TUT1: variants seen among roughly 807,000 people sequenced by gnomAD.
The protein encoded by TUT1 is terminal uridylyl transferase 1, U6 snRNA-specific, also known as speckle targeted PIP5K1A-regulated poly(A) polymerase.
TUT1 carries 26 observed loss-of-function variants against 48.8 expected under a neutral mutation model. That is an observed-to-expected ratio of 0.53 (90% confidence interval 0.39 to 0.74). The LOEUF is 0.74. Ranked by LOEUF, TUT1 falls within the 30% of genes least tolerant of loss-of-function variation. TUT1 has a pLI of 0.00. For synonymous variants in TUT1, 470 were observed against 460.8 expected (o/e 1.02, Z -0.26); for missense variants, 1,065 against 1,114.8 (o/e 0.96, Z 0.64).
Position 62,575,951 on chromosome 11 carries a change from C to A in TUT1, c.1768G>T (p.Gly590Trp), listed in dbSNP as rs1941719028. Reference protein sequence around the residue: ...QRRSSRGRDWGLLPLLQPSSP... With the variant: ...QRRSSRGRDWWLLPLLQPSSP... Reference sequence around the variant, plus strand: ...CTGGGCTGCAGAAGAGGGAGCAGCCCCCAGTCCCGACCCCGGGAGGAACGG... The same window carrying A: ...CTGGGCTGCAGAAGAGGGAGCAGCCACCAGTCCCGACCCCGGGAGGAACGG... Residue 590 changes from glycine to tryptophan, a missense_variant, in exon 9 of 9, where the codon GGG becomes TGG. Transcript: ENST00000476907. The A allele has an allele frequency of 6.2e-7, 1 of 1,614,128 alleles. No homozygotes were observed.
Position 62,578,870 on chromosome 11 carries a change from G to A in TUT1, c.851C>T (p.Ser284Phe). 1 of 1,611,648 alleles carries A rather than the reference G, an allele frequency of 6.2e-7. No homozygotes were observed. Among genetic ancestry groups the A allele is most frequent in the Non-Finnish European group, 8.5e-7 (1 of 1,178,540 alleles). ...AGAGTCCGGAGTTTGGGGCGCCAGGGAGGAGGAAGGGGTTTCAAAGTCCAG... is the reference window on the plus strand; with the variant it reads ...AGAGTCCGGAGTTTGGGGCGCCAGGAAGGAGGAAGGGGTTTCAAAGTCCAG... ...EALDFETPSS[S>F]LAPQTPDSAL... is the part of the protein sequence containing the mutation. The change falls in exon 5 of 9, where the codon TCC becomes TTC. Residue 284 changes from serine to phenylalanine, a missense_variant. Physicochemically the swap from Ser to Phe is radical, Grantham distance 155. Coordinates refer to ENST00000476907, the MANE Select transcript of TUT1 (RefSeq NM_022830.3).
rs1367492032 is a variant in TUT1 at position 62,578,960 on chromosome 11, A to C, written c.761T>G (p.Leu254Arg). ...ALASPLDPQA[L>R]ACTPASPPDS... ...TGGAGGGGAAGCTGGGGTGCAGGCCAGGGCTTGAGGGTCCAGTGGGGAAGC... is the reference window on the plus strand; with the variant it reads ...TGGAGGGGAAGCTGGGGTGCAGGCCCGGGCTTGAGGGTCCAGTGGGGAAGC... Residue 254 changes from leucine (L) to arginine (R), a missense_variant, in exon 5 of 9, where the codon CTG (leucine) becomes CGG (arginine). Physicochemically the swap from Leu to Arg is moderately radical, Grantham distance 102. Coordinates refer to ENST00000476907, the MANE Select transcript of TUT1 (RefSeq NM_022830.3). 8 of 1,534,098 alleles carry C rather than the reference A, an allele frequency of 5.2e-6. No homozygotes were observed. The highest frequency in any genetic ancestry group is 7.0e-6 in the Non-Finnish European group (8 of 1,142,438).
rs1941744709 is a variant in TUT1 at position 62,577,246 on chromosome 11, C to G, written c.1206G>C (p.Leu402=). 6.2e-7 allele frequency: 1 copy of G among 1,611,836 alleles called. No individual in the cohort carries two copies. Among genetic ancestry groups the G allele is most frequent in the Admixed American group, 1.7e-5 (1 of 59,050 alleles). The change falls in exon 6 of 9, where the codon CTG becomes CTC. Residue 402 remains leucine (L), a synonymous_variant. Transcript: ENST00000476907. The part of the protein sequence containing the change: ...NSRFLSLCSE[L]DGRVRPLVYT... ...ACACGAGGGGCCGGACTCGACCATC[C>G]AGCTCAGAGCAGAGACTCAGGAAAC...
rs1448719527 is a variant in TUT1, at chr11:62,578,577, C to T, written c.1144G>A (p.Val382Ile). The T allele has an allele frequency of 1.2e-6, 2 of 1,602,222 alleles. No homozygotes were observed. Among genetic ancestry groups the T allele is most frequent in the Non-Finnish European group, 1.7e-6 (2 of 1,173,800 alleles). The part of the protein sequence containing the change: ...CHRPSGLHGD[V>I]SLSNRLALHN... Reference sequence around the variant, plus strand: ...GAAAGGTACCGGTTACTGAGGGAGACATCACCGTGGAGACCTGAAGGCCGA... The same window carrying T: ...GAAAGGTACCGGTTACTGAGGGAGATATCACCGTGGAGACCTGAAGGCCGA... Residue 382 changes from valine to isoleucine, a missense_variant, in exon 5 of 9, where the codon GTC becomes ATC. Physicochemically the swap from Val to Ile is conservative, Grantham distance 29. Coordinates refer to ENST00000476907, the MANE Select transcript of TUT1 (RefSeq NM_022830.3).
At position 62,581,093 on chromosome 11, in the gene TUT1, G is replaced by A. The variant is rs1941816625; in HGVS notation, c.690+13C>T. 1 of 1,609,738 alleles carries A rather than the reference G, an allele frequency of 6.2e-7. No homozygotes were observed. The highest frequency in any genetic ancestry group is 1.1e-5 in the South Asian group (1 of 90,918). ...GGACTTTTCCCAGCTGCCTCCCTGGGACACTCACTCACCTGGGGCTCTTCC... is the reference window on the plus strand; with the variant it reads ...GGACTTTTCCCAGCTGCCTCCCTGGAACACTCACTCACCTGGGGCTCTTCC... On this transcript the variant is annotated intron_variant, in intron 4 of 8. Coordinates refer to ENST00000476907, the MANE Select transcript of TUT1 (RefSeq NM_022830.3).
intron 8 of TUT1, 137 bp downstream of exon 8, chr11:62,576,520 G>T: frequency 1.2e-6 from 1 of 866,070 alleles, no homozygotes. Flanking sequence ...TTCTTCATCT[G>T]TAAAATGGCA....
intron 2 of TUT1, chr11:62,582,480 C>G (rs1565267835): frequency 5.4e-6 from 2 of 371,900 alleles, no homozygotes; most frequent in East Asian, 1.7e-4. Flanking sequence ...CCTGTAGTTC[C>G]AATTACTTGG....
chr11:62,584,794 A>C (rs913887165), intron 2 of TUT1, among the ~76,000 whole-genome samples: 40 of 151,144 alleles, frequency 2.6e-4, no homozygotes, highest in African/African-American at 9.0e-4. Flanking sequence ...GTAAATAACC[A>C]ACCAATGAAT....
Position 62,576,044 on chromosome 11 carries a change from C to G in TUT1, c.1675G>C (p.Val559Leu). 6.2e-7 allele frequency: 1 copy of G among 1,613,834 alleles called. No individual in the cohort carries two copies. Among genetic ancestry groups the G allele is most frequent in the Non-Finnish European group, 8.5e-7 (1 of 1,180,032 alleles). Residue 559 changes from valine (V) to leucine (L), a missense_variant, in exon 9 of 9, where the codon GTG becomes CTG. Val to Leu is a conservative substitution (Grantham distance 32). Transcript: ENST00000476907. ...HNVAANVTSR[V>L]AGRLQNCCRA... Reference sequence around the variant, plus strand: ...CAGCAGTTCTGTAGGCGCCCAGCCACCCGGCTGGTCACATTGGCTGCGACA... The same window carrying G: ...CAGCAGTTCTGTAGGCGCCCAGCCAGCCGGCTGGTCACATTGGCTGCGACA...
chr11:62,581,002 T>C (rs973694162), intron 4 of TUT1, 104 bp downstream of exon 4: 99 of 817,898 alleles, frequency 1.2e-4, no homozygotes, highest in Admixed American at 4.3e-5. Flanking sequence ...ATTATCTGCA[T>C]TGTAGATGAG....
In TUT1 at chr11:62,577,215, G is replaced by C. The variant is rs550144549; in HGVS notation, c.1237C>G (p.Leu413Val). The change falls in exon 6 of 9, where the codon CTC becomes GTC. Residue 413 changes from leucine (L) to valine (V), a missense_variant. By Grantham distance (32) the Leu-to-Val change is conservative. Transcript: ENST00000476907. ...DGRVRPLVYT[L>V]RCWAQGRGLS... is the part of the protein sequence containing the mutation. ...CCCCGACCCTGAGCCCAGCAGCGGA[G>C]GGTGTACACGAGGGGCCGGACTCGA... 19 of 1,610,536 alleles carry C rather than the reference G, an allele frequency of 1.2e-5. No homozygotes were observed. Among genetic ancestry groups the C allele is most frequent in the Non-Finnish European group, 1.6e-5 (19 of 1,178,990 alleles).
At position 62,581,160 on chromosome 11, in the gene TUT1, G is replaced by A. The variant is rs150999238; in HGVS notation, c.636C>T (p.Val212=). 3.0e-5 allele frequency: 48 copies of A among 1,614,024 alleles called. No individual in the cohort carries two copies. Among genetic ancestry groups the A allele is most frequent in the Non-Finnish European group, 3.8e-5 (45 of 1,180,036 alleles). ...PFGSSINSFD[V]HGCDLDLFLD... is the part of the protein sequence containing the mutation. Reference sequence around the variant, plus strand: ...AGAAGAGGTCAAGATCACAGCCATGGACATCGAAGCTATTTATGGAAGAGC... The same window carrying A: ...AGAAGAGGTCAAGATCACAGCCATGAACATCGAAGCTATTTATGGAAGAGC... The change falls in exon 4 of 9, where the codon GTC becomes GTT. Residue 212 remains valine (V), a synonymous_variant. Coordinates refer to ENST00000476907, the MANE Select transcript of TUT1 (RefSeq NM_022830.3).
intron 2 of TUT1, among the ~76,000 whole-genome samples, chr11:62,586,380 A>G (rs1941915292): frequency 6.6e-6 from 1 of 152,204 alleles, no homozygotes; most frequent in Non-Finnish European, 1.5e-5. Context: ...CAAATCTCCA[A>G]CTGCCTACTG....
In TUT1 at chr11:62,575,223, A is replaced by T. The variant is rs1941699699; in HGVS notation, c.2496T>A (p.Phe832Leu). 1 of 1,613,792 alleles carries T rather than the reference A, an allele frequency of 6.2e-7. No homozygotes were observed. The highest frequency in any genetic ancestry group is 8.5e-7 in the Non-Finnish European group (1 of 1,179,774). Reference sequence around the variant, plus strand: ...GGTCAGCCGGGGAGACAGACGCCACAAAGCTCAGCAGGGGCTCAGTTTCTG... The same window carrying T: ...GGTCAGCCGGGGAGACAGACGCCACTAAGCTCAGCAGGGGCTCAGTTTCTG... ...ERPETEPLLS[F>L]VASVSPADRM... is the part of the protein sequence containing the mutation. Residue 832 changes from phenylalanine (F) to leucine (L), a missense_variant, in exon 9 of 9, where the codon TTT becomes TTA. Phe to Leu is a conservative substitution (Grantham distance 22). Transcript: ENST00000476907.
rs1399809327 is a variant in TUT1 at position 62,575,907 on chromosome 11, G to C, written c.1812C>G (p.Leu604=). ...GGGGTAAAGGGATCGGCGTAGCAGA[G>C]AGCAGGGAGCTGGGGGAGCTGGGCT... The part of the protein sequence containing the change: ...LLQPSSPSSL[L]SATPIPLPLA... The change falls in exon 9 of 9, where the codon CTC becomes CTG. Residue 604 remains leucine, a synonymous_variant. Transcript: ENST00000476907. The C allele has an allele frequency of 1.9e-6, 3 of 1,614,168 alleles. No individual in the cohort carries two copies. Among genetic ancestry groups the C allele is most frequent in the Admixed American group, 1.7e-5 (1 of 60,020 alleles).
At chr11:62,580,337 G>A (rs1941804497) in intron 4 of TUT1, among the ~76,000 whole-genome samples, 1 of 151,608 alleles carries the variant, frequency 6.6e-6, no homozygotes, top group Non-Finnish European at 1.5e-5. Flanking sequence ...GCGTGTGCCT[G>A]TATTCCGAGC....
intron 2 of TUT1, among the ~76,000 whole-genome samples, chr11:62,584,974 AC>A (rs1447043667): frequency 4.6e-5 from 7 of 151,178 alleles, no homozygotes; most frequent in Non-Finnish European, 1.0e-4. Flanking sequence ...GGAATCTGCC[AC>A]TACGCCCAGC....
At position 62,575,745 on chromosome 11, in the gene TUT1, G is replaced by C; in HGVS notation, c.1974C>G (p.Ser658Arg). Residue 658 changes from serine to arginine, a missense_variant, in exon 9 of 9, where the codon AGC becomes AGG. Physicochemically the swap from Ser to Arg is moderately radical, Grantham distance 110 (BLOSUM62 -1). Transcript: ENST00000476907. ...TCTGTCCATCTACTTTGAGTCTTTT[G>C]CTTGTCCCTCCCTGAGAGGACTCCC... Reference protein sequence around the residue: ...GTGESSQGGTSKRLKVDGQKN... With the variant: ...GTGESSQGGTRKRLKVDGQKN... 1 of 1,614,102 alleles carries C rather than the reference G, an allele frequency of 6.2e-7. No individual in the cohort carries two copies. Among genetic ancestry groups the C allele is most frequent in the Non-Finnish European group, 8.5e-7 (1 of 1,180,028 alleles).
intron 1 of TUT1, 143 bp downstream of exon 1, chr11:62,591,261 G>A: frequency 7.3e-7 from 1 of 1,368,038 alleles, no homozygotes; most frequent in South Asian, 1.9e-5. Flanking sequence ...AAATCCCCTC[G>A]GACTTGCAGA....
Sources: allele counts gnomAD v4.1 joint callset (sites outside exome capture counted in the v4.1 genomes callset), GRCh38; gene constraint gnomAD v4.1.1; transcripts MANE v1.5; gene names NCBI Gene and HGNC (gene_info 2026-07-23, HGNC 2026-07-21).